Variants in TTLL11 observed in about 807,000 individuals in gnomAD.
TTLL11 encodes tubulin tyrosine ligase like 11.
A neutral mutation model predicts 51.7 loss-of-function variants in TTLL11; 42 were observed. The ratio of observed to expected loss-of-function variants is 0.81; its 90% CI spans 0.64 to 1.05. The LOEUF is 1.05. Ranked by LOEUF, TTLL11 falls within the 50% of genes least tolerant of loss-of-function variation. The pLI, the probability that TTLL11 is intolerant of heterozygous loss-of-function variation, is 0.00. For synonymous variants in TTLL11, 381 were observed against 383.5 expected, an observed-to-expected ratio of 0.99 and a Z score of 0.08; for missense variants, 799 against 940.4, an observed-to-expected ratio of 0.85 and a Z score of 1.97.
At chr9:121,893,271 C>A (rs1033315809) in intron 6 of TTLL11, among the ~76,000 whole-genome samples, 1 of 152,038 alleles carries the variant, frequency 6.6e-6, no homozygotes, top group Admixed American at 6.6e-5. Flanking sequence ...TACGTACCTA[C>A]GACCATTGTT....
intron 8 of TTLL11, among the ~76,000 whole-genome samples, chr9:121,846,933 G>A (rs993408475): frequency 4.6e-5 from 7 of 152,062 alleles, no homozygotes; most frequent in Admixed American, 2.6e-4. Flanking sequence ...ACACAAGGCC[G>A]GGCCCGGTGG....
At chr9:121,833,962 T>G (rs969054358) in intron 8 of TTLL11, among the ~76,000 whole-genome samples, 1 of 152,228 alleles carries the variant, frequency 6.6e-6, no homozygotes, top group Admixed American at 6.5e-5. Flanking sequence ...AATCTCCTTC[T>G]TATTACTCAC....
chr9:121,872,455 A>C (rs1269707303), intron 6 of TTLL11, among the ~76,000 whole-genome samples: 4 of 152,230 alleles, frequency 2.6e-5, no homozygotes, highest in Non-Finnish European at 4.4e-5. Context: ...AAGACCTGAA[A>C]CATACTTGGT....
Position 121,826,515 on chromosome 9 carries a change from G to GTA in TTLL11, c.1841-3638_1841-3637dup, listed in dbSNP as rs771711221. ...TATATGTGTGTGTATATATATATATGTATATATATATATGTGTGTGTGTAT... is the reference window on the plus strand; with the variant it reads ...TATATGTGTGTGTATATATATATATGTATATATATATATATGTGTGTGTGTAT... On this transcript the variant is annotated intron_variant, in intron 8 of 8. Coordinates refer to ENST00000321582, the MANE Select transcript of TTLL11 (RefSeq NM_001139442.2). 6.7e-4 allele frequency among the ~76,000 whole-genome samples: 23 copies of GTA among 34,456 alleles called. 2 individuals are homozygous for GTA. The East Asian group carries it at 0.034, about 51-fold the overall frequency. 22.6% of individuals were successfully genotyped at this position (34,456 alleles called of 152,430 possible).
chr9:121,992,770 G>A (rs974144358), intron 3 of TTLL11, among the ~76,000 whole-genome samples: 1 of 152,160 alleles, frequency 6.6e-6, no homozygotes, highest in Non-Finnish European at 1.5e-5. Context: ...GGCACTCCGC[G>A]GGCCTACTGA....
chr9:121,975,968 C>T lies in TTLL11; in HGVS notation c.1270-989G>A, dbSNP rs530487959. On this transcript the variant is annotated intron_variant, in intron 4 of 8. Coordinates refer to ENST00000321582, the MANE Select transcript of TTLL11 (RefSeq NM_001139442.2). ...AGAAGGGATTATGTGCTCCACTTTA[C>T]AGAAGCAGAAACTGAAACTCAGGAA... Among the ~76,000 whole-genome samples the T allele has an allele frequency of 2.6e-4, 40 of 152,306 alleles. No homozygotes were observed. The South Asian group carries it at 7.7e-3, about 29-fold the overall frequency.
chr9:121,884,986 T>G (rs1023171760), intron 6 of TTLL11: 1 of 152,182 alleles, frequency 6.6e-6, no homozygotes, highest in African/African-American at 2.4e-5. Context: ...AGTACCCACT[T>G]CTGTTTTCTG....
At chr9:121,983,058 G>A (rs1156883449) in intron 4 of TTLL11, among the ~76,000 whole-genome samples, 7 of 152,208 alleles carry the variant, frequency 4.6e-5, no homozygotes, top group African/African-American at 1.2e-4. Flanking sequence ...ATTCAAGTGC[G>A]AGGTGATGGC....
intron 6 of TTLL11, among the ~76,000 whole-genome samples, chr9:121,937,040 C>G (rs1292670356): frequency 6.6e-6 from 1 of 152,190 alleles, no homozygotes; most frequent in Non-Finnish European, 1.5e-5. Context: ...AATGACATTT[C>G]TTTCCCATTG....
chr9:122,022,564 A>G (rs1042220991), intron 3 of TTLL11, among the ~76,000 whole-genome samples: 1 of 152,006 alleles, frequency 6.6e-6, no homozygotes, highest in Non-Finnish European at 1.5e-5. Flanking sequence ...CAAAGGCAAA[A>G]TAAATTTCAA....
chr9:122,064,367 C>T (rs926249405), intron 1 of TTLL11, among the ~76,000 whole-genome samples: 2 of 152,076 alleles, frequency 1.3e-5, no homozygotes, highest in African/African-American at 2.4e-5. Context: ...TTTAGGATAG[C>T]GGGTCAAGCA....
Position 121,838,083 on chromosome 9 carries a change from T to G in TTLL11, c.1841-15204A>C, listed in dbSNP as rs559654179. On this transcript the variant is annotated intron_variant, in intron 8 of 8. Coordinates refer to ENST00000321582, the MANE Select transcript of TTLL11 (RefSeq NM_001139442.2). Reference sequence around the variant, plus strand: ...AATCCATGCCCTCCAAATCATTGTCTCCAGGCCAGCCTGCTTTTTTGCCAC... The same window carrying G: ...AATCCATGCCCTCCAAATCATTGTCGCCAGGCCAGCCTGCTTTTTTGCCAC... Among the ~76,000 whole-genome samples the G allele has an allele frequency of 2.6e-5, 4 of 152,330 alleles. No homozygotes were observed. In the South Asian group the frequency reaches 8.3e-4, roughly 32 times the overall value.
chr9:121,885,016 C>T (rs989242771), intron 6 of TTLL11: 2 of 152,306 alleles, frequency 1.3e-5, no homozygotes, highest in East Asian at 1.9e-4. Context: ...TTGCTCTCTG[C>T]CCCCAGAAGT....
intron 3 of TTLL11, among the ~76,000 whole-genome samples, chr9:122,017,451 T>C (rs1844020263): frequency 6.6e-6 from 1 of 151,220 alleles, no homozygotes; most frequent in Admixed American, 6.6e-5. Context: ...TATCTCAATG[T>C]TCATCAACAA....
intron 6 of TTLL11, among the ~76,000 whole-genome samples, chr9:121,936,624 T>C (rs1372036872): frequency 6.6e-6 from 1 of 152,202 alleles, no homozygotes; most frequent in Non-Finnish European, 1.5e-5. Context: ...CAGGTATAAC[T>C]GGAAGGTCCT....
intron 6 of TTLL11, among the ~76,000 whole-genome samples, chr9:121,891,684 T>G (rs1250179144): frequency 6.6e-6 from 1 of 152,258 alleles, no homozygotes; most frequent in East Asian, 1.9e-4. Context: ...CTTCCAGGGA[T>G]TTCAAGGACC....
intron 8 of TTLL11, among the ~76,000 whole-genome samples, chr9:121,842,798 A>G (rs1026918321): frequency 1.3e-5 from 2 of 152,212 alleles, no homozygotes; most frequent in African/African-American, 4.8e-5. Flanking sequence ...TCTGAAAGGT[A>G]AACACTTCTG....
chr9:121,837,610 C>A (rs1208875585), intron 8 of TTLL11, among the ~76,000 whole-genome samples: 1 of 152,126 alleles, frequency 6.6e-6, no homozygotes, highest in Non-Finnish European at 1.5e-5. Context: ...CTCCTGAATG[C>A]CACCATCTGC....
chr9:122,046,937 G>A (rs1845022939), intron 1 of TTLL11, among the ~76,000 whole-genome samples: 2 of 152,212 alleles, frequency 1.3e-5, no homozygotes, highest in South Asian at 2.1e-4. Flanking sequence ...ACGCGCCAAA[G>A]GGTCTCAGGA....
Sources: gnomAD v4.1 joint callset for allele counts (sites outside exome capture counted in the v4.1 genomes callset) on GRCh38, gnomAD v4.1.1 for gene constraint, MANE v1.5 for transcripts, NCBI Gene and HGNC (gene_info 2026-07-23, HGNC 2026-07-21) for gene names.